POLR1D: variants seen among roughly 807,000 people sequenced by gnomAD.
The protein encoded by POLR1D is DNA-directed RNA polymerases I and III subunit RPAC2.
Under a neutral mutation model 10.8 loss-of-function variants are expected in POLR1D, and 8 were observed. The ratio of observed to expected loss-of-function variants is 0.74; its 90% CI spans 0.43 to 1.33. The LOEUF (loss-of-function observed/expected upper bound fraction) is 1.33. POLR1D is among the 40% of genes most tolerant of loss of function. POLR1D has a pLI of 0.01. For synonymous variants in POLR1D, 54 were observed against 57.2 expected (o/e 0.94, Z 0.25); for missense variants, 152 against 161.7 (o/e 0.94, Z 0.32).
At chr13:27,646,562 G>T (rs2138553097) in intron 1 of POLR1D, among the ~76,000 whole-genome samples, 1 of 152,302 alleles carries the variant, frequency 6.6e-6, no homozygotes. Flanking sequence ...GTTTTTCATT[G>T]ATCTGTAGCA....
chr13:27,657,314 G>A (rs868763709), intron 2 of POLR1D, among the ~76,000 whole-genome samples: 1 of 152,046 alleles, frequency 6.6e-6, no homozygotes, highest in South Asian at 2.1e-4. Flanking sequence ...TGGATTGCCC[G>A]AGCTCAGGAG....
downstream of POLR1D, among the ~76,000 whole-genome samples, chr13:27,624,030 A>C (rs1000054820): frequency 3.3e-5 from 5 of 152,192 alleles, no homozygotes; most frequent in African/African-American, 1.2e-4. Context: ...ATTTGAGAGA[A>C]GGTAAAGCCA....
intron 2 of POLR1D, among the ~76,000 whole-genome samples, chr13:27,659,906 G>GTGTA (rs1555273996): frequency 4.1e-5 from 6 of 145,110 alleles, no homozygotes; most frequent in South Asian, 4.4e-4. Flanking sequence ...TATCTCAGGT[G>GTGTA]TATATATATA....
chr13:27,637,296 TCAGTTAATCTCTG>T (rs1409121447), intron 1 of POLR1D, among the ~76,000 whole-genome samples: 1 of 152,208 alleles, frequency 6.6e-6, no homozygotes, highest in Admixed American at 6.5e-5. Context: ...TTCCTTCCTT[TCAGTTAATCTCTG>T]CAGCCTTTCT....
intron 2 of POLR1D, among the ~76,000 whole-genome samples, chr13:27,657,850 A>G (rs1269993855): frequency 6.6e-6 from 1 of 152,136 alleles, no homozygotes; most frequent in Non-Finnish European, 1.5e-5. Flanking sequence ...TGCTTATTCC[A>G]GGGGCAACTG....
chr13:27,652,911 CTTTTTTTTTTTTTTTT>C (rs71083685), intron 2 of POLR1D, among the ~76,000 whole-genome samples: 2 of 89,334 alleles, frequency 2.2e-5, no homozygotes, highest in South Asian at 3.9e-4. Flanking sequence ...TTTACCATTT[CTTTTTTTTTTTTTTTT>C]TTTTTTTTTT....
chr13:27,651,522 G>A (rs969930481), intron 2 of POLR1D: 1 of 152,008 alleles, frequency 6.6e-6, no homozygotes, highest in Non-Finnish European at 1.5e-5. Context: ...TATATTTATG[G>A]ATGAAATTAT....
At chr13:27,634,669 A>C (rs983807696) in intron 1 of POLR1D, among the ~76,000 whole-genome samples, 5 of 140,680 alleles carry the variant, frequency 3.6e-5, no homozygotes, top group African/African-American at 1.1e-4. Context: ...GACTCCATAG[A>C]CTCTGCTTTT....
intron 2 of POLR1D, among the ~76,000 whole-genome samples, chr13:27,653,103 A>G (rs1440042912): frequency 6.6e-6 from 1 of 151,252 alleles, no homozygotes; most frequent in African/African-American, 2.4e-5. Context: ...GGGTTTCACC[A>G]TCTTGGCCAG....
Position 27,621,939 on chromosome 13 carries a change from C to T in POLR1D, c.-45C>T. ...GCGCCTCGCGCTATGGGACAGAGCCCCCGATCCGCCAGCACCACCTGAGGA... is the reference window on the plus strand; with the variant it reads ...GCGCCTCGCGCTATGGGACAGAGCCTCCGATCCGCCAGCACCACCTGAGGA... On this transcript the variant is annotated 5_prime_UTR_variant, in exon 1 of 2. Coordinates refer to ENST00000302979, the MANE Select transcript of POLR1D (RefSeq NM_015972.4). 1.9e-6 allele frequency: 3 copies of T among 1,573,768 alleles called. No individual in the cohort carries two copies. The highest frequency in any genetic ancestry group is 2.6e-6 in the Non-Finnish European group (3 of 1,158,500).
In POLR1D at chr13:27,621,975, GC is replaced by G; in HGVS notation, c.-5del. ...AGCACCACCTGAGGATCCAGAAACC[GC>G]CCCAGCGATGGAAGAGGATCAGGAG... On this transcript the variant is annotated 5_prime_UTR_variant, in exon 1 of 2. Transcript: ENST00000302979. 1 of 1,593,008 alleles carries G rather than the reference GC, an allele frequency of 6.3e-7. No homozygotes were observed. Among genetic ancestry groups the G allele is most frequent in the Admixed American group, 1.8e-5 (1 of 56,374 alleles).
chr13:27,656,577 C>G (rs576964221), intron 2 of POLR1D, among the ~76,000 whole-genome samples: 2 of 152,214 alleles, frequency 1.3e-5, no homozygotes, highest in African/African-American at 4.8e-5. Context: ...TTAAATTTCA[C>G]CATTAGATTG....
rs375757158 is a variant in POLR1D, at chr13:27,638,792, CT to C, written c.27-9583del. The stretch of plus-strand genomic sequence containing the variant: ...CAGATGATTTGTATAACATAAAGCT[CT>C]TTTAGGATTAAGAGAGTGATTTACA... On this transcript the variant is annotated intron_variant, in intron 1 of 2. Transcript: ENST00000399697. 3.3e-3 allele frequency among the ~76,000 whole-genome samples: 506 copies of C among 152,154 alleles called. 2 individuals carry two copies. Among genetic ancestry groups the C allele is most frequent in the African/African-American group, 0.012 (479 of 41,514 alleles).
At chr13:27,635,361 AG>A (rs1956112956) in intron 1 of POLR1D, among the ~76,000 whole-genome samples, 1 of 152,154 alleles carries the variant, frequency 6.6e-6, no homozygotes, top group African/African-American at 2.4e-5. Context: ...GAATGAAATA[AG>A]GGTATGTGTT....
rs142807905 is a variant in POLR1D, at chr13:27,659,906, G to GTATATATATATA, written c.102-5771_102-5760dup. On this transcript the variant is annotated intron_variant, in intron 2 of 2. Transcript: ENST00000399697. ...GCATAATGCGTTGCATATCTCAGGT[G>GTATATATATATA]TATATATATATATATATATACACAC... Among the ~76,000 whole-genome samples the GTATATATATATA allele has an allele frequency of 1.7e-4, 24 of 145,182 alleles. 1 individual carries two copies. The highest frequency in any genetic ancestry group is 3.4e-4 in the Admixed American group (5 of 14,638).
chr13:27,656,323 A>C (rs2138566603), intron 2 of POLR1D, among the ~76,000 whole-genome samples: 1 of 152,330 alleles, frequency 6.6e-6, no homozygotes, highest in South Asian at 2.1e-4. Flanking sequence ...TCAGTTTATA[A>C]AAAGAAAACC....
chr13:27,622,958 G>C lies in POLR1D; in HGVS notation c.110G>C (p.Arg37Thr). ...LEMVQAAGTD[R>T]HCVTFVLHEE... ...ATGGTCCAGGCAGCTGGAACAGATAGACACTGTGTGACATTTGTATTGCAC... is the reference window on the plus strand; with the variant it reads ...ATGGTCCAGGCAGCTGGAACAGATACACACTGTGTGACATTTGTATTGCAC... Residue 37 changes from arginine to threonine, a missense_variant, in exon 2 of 2, where the codon AGA (arginine) becomes ACA (threonine). Physicochemically the swap from Arg to Thr is moderately conservative, Grantham distance 71. Coordinates refer to ENST00000302979, the MANE Select transcript of POLR1D (RefSeq NM_015972.4). 6.2e-7 allele frequency: 1 copy of C among 1,613,756 alleles called. No individual in the cohort carries two copies. The highest frequency in any genetic ancestry group is 8.5e-7 in the Non-Finnish European group (1 of 1,179,618).
chr13:27,622,836 T>C, intron 1 of POLR1D, 39 bp from the exon 2 acceptor site: 2 of 1,342,692 alleles, frequency 1.5e-6, no homozygotes, highest in Non-Finnish European at 1.1e-6. Context: ...CAAAACAATA[T>C]TCAGTATGAT....
At chr13:27,642,757 C>A (rs1399204533) in intron 1 of POLR1D, among the ~76,000 whole-genome samples, 2 of 152,148 alleles carry the variant, frequency 1.3e-5, no homozygotes, top group Non-Finnish European at 2.9e-5. Flanking sequence ...AAATACAGAA[C>A]ACTTGGATCC....
Sources: gnomAD v4.1 joint callset for allele counts (sites outside exome capture counted in the v4.1 genomes callset) on GRCh38, gnomAD v4.1.1 for gene constraint, MANE v1.5 for transcripts, NCBI Gene and HGNC (gene_info 2026-07-23, HGNC 2026-07-21) for gene names.